Variants in NINL observed in about 807,000 individuals in gnomAD.
The protein encoded by NINL is ninein like, also known as ninein-like protein.
NINL carries 153 observed loss-of-function variants against 160.3 expected under a neutral mutation model. The observed-to-expected ratio is 0.95, with a 90% confidence interval of 0.84 to 1.09. The LOEUF (loss-of-function observed/expected upper bound fraction) is 1.09, where lower values mean the gene tolerates loss of function less well. Ranked by LOEUF, NINL falls within the 50% of genes least tolerant of loss-of-function variation. The probability of loss-of-function intolerance (pLI) is 0.00; values close to 1 mark genes in which losing one functional copy is unlikely to be tolerated. For synonymous variants in NINL, 800 were observed against 734.8 expected (o/e 1.09, Z -1.43); for missense variants, 1,829 against 1,764.0 (o/e 1.04, Z -0.66).
rs1230840228 is a variant in NINL at position 25,462,317 on chromosome 20, T to G, written c.3582+66A>C. 2.6e-6 allele frequency: 4 copies of G among 1,516,330 alleles called. No homozygotes were observed. In the African/African-American group the frequency reaches 5.6e-5, roughly 21 times the overall value. 93.9% of individuals were successfully genotyped at this position (1,516,330 alleles called of 1,614,324 possible). ...TCCTCAGCGCGTGTCCTGACCTATT[T>G]GCAGCCGCCTCCCCACCCTGAGCTC... On this transcript the variant is annotated intron_variant, in intron 20 of 23. Coordinates refer to ENST00000278886, the MANE Select transcript of NINL (RefSeq NM_025176.6).
At chr20:25,507,740 G>A (rs1390758833) in intron 5 of NINL, among the ~76,000 whole-genome samples, 4 of 152,228 alleles carry the variant, frequency 2.6e-5, no homozygotes, top group Non-Finnish European at 5.9e-5. Flanking sequence ...TGTGGGTTGG[G>A]TTGAGGAAAA....
intron 2 of NINL, among the ~76,000 whole-genome samples, chr20:25,519,785 G>T (rs897842132): frequency 2.6e-5 from 4 of 152,032 alleles, no homozygotes; most frequent in African/African-American, 9.7e-5. Flanking sequence ...GGGAGGCAGA[G>T]GCAGGGTGAT....
chr20:25,459,409 C>T (rs1037613834), intron 21 of NINL, among the ~76,000 whole-genome samples: 11 of 152,198 alleles, frequency 7.2e-5, no homozygotes, highest in African/African-American at 2.7e-4. Context: ...GGACGGGGGT[C>T]ACCCCAGAGA....
intron 10 of NINL, among the ~76,000 whole-genome samples, chr20:25,491,911 A>T (rs977505963): frequency 1.3e-5 from 2 of 152,238 alleles, no homozygotes; most frequent in Non-Finnish European, 2.9e-5. Context: ...CCTCCCAAGG[A>T]GGGAGGCAGC....
At position 25,495,457 on chromosome 20, in the gene NINL, T is replaced by C. The variant is rs191948155; in HGVS notation, c.1310+1206A>G. 3.0e-3 allele frequency among the ~76,000 whole-genome samples: 456 copies of C among 152,206 alleles called. 3 individuals carry two copies. The highest frequency in any genetic ancestry group is 0.01 in the African/African-American group (423 of 41,532). On this transcript the variant is annotated intron_variant, in intron 10 of 23. Transcript: ENST00000278886. ...CATGGCAGCGAGTGCTGTGTCTGTG[T>C]TGTGCAATGCAGAGGGTGGGCCGAC...
chr20:25,557,774 C>CTAG (rs1231129804), intron 1 of NINL, among the ~76,000 whole-genome samples: 1 of 152,044 alleles, frequency 6.6e-6, no homozygotes, highest in African/African-American at 2.4e-5. Context: ...AAAGAATTAT[C>CTAG]TAGATGTATA....
At chr20:25,561,846 C>T (rs1372841879) in intron 1 of NINL, among the ~76,000 whole-genome samples, 1 of 152,032 alleles carries the variant, frequency 6.6e-6, no homozygotes, top group Non-Finnish European at 1.5e-5. Flanking sequence ...GCTGCCACCC[C>T]GTCTGGGAAG....
chr20:25,517,613 C>T, intron 3 of NINL, 140 bp downstream of exon 3: 4 of 634,520 alleles, frequency 6.3e-6, no homozygotes, highest in Non-Finnish European at 1.1e-5. Context: ...AGTGTTTTTT[C>T]CAAGTCCATA....
At position 25,452,703 on chromosome 20, in the gene NINL, T is replaced by G. The variant is rs1290054576; in HGVS notation, c.*748A>C. 6.6e-6 allele frequency: 1 copy of G among 152,656 alleles called. No individual in the cohort carries two copies. Among genetic ancestry groups the G allele is most frequent in the East Asian group, 1.9e-4 (1 of 5,200 alleles). The allele number at this position is 152,656 out of a possible 1,614,324, so 9.5% of individuals were successfully genotyped here. ...TTAAAAACAAACTTAGAAGTCAATTTTAATAGAAAAGAATTTATTGCAAAT... is the reference window on the plus strand; with the variant it reads ...TTAAAAACAAACTTAGAAGTCAATTGTAATAGAAAAGAATTTATTGCAAAT... On this transcript the variant is annotated 3_prime_UTR_variant, in exon 24 of 24. Transcript: ENST00000278886.
intron 8 of NINL, 75 bp from the exon 9 acceptor site, chr20:25,498,421 G>T: frequency 6.4e-7 from 1 of 1,572,726 alleles, no homozygotes; most frequent in Non-Finnish European, 8.6e-7. Context: ...CTCCCTCCCT[G>T]ATCCAGGGCC....
rs80022616 is a variant in NINL at position 25,501,295 on chromosome 20, C to T, written c.862-285G>A. Among the ~76,000 whole-genome samples the T allele has an allele frequency of 2.0e-5, 3 of 152,388 alleles. No homozygotes were observed. The East Asian group carries it at 5.8e-4, about 29-fold the overall frequency. ...CGTGGCCCAACCGGCCAGCCCCAGTCAGCACACTCATCACTTGGAGAGGGA... is the reference window on the plus strand; with the variant it reads ...CGTGGCCCAACCGGCCAGCCCCAGTTAGCACACTCATCACTTGGAGAGGGA... On this transcript the variant is annotated intron_variant, in intron 7 of 23. Transcript: ENST00000278886.
At position 25,491,367 on chromosome 20, in the gene NINL, A is replaced by G; in HGVS notation, c.1469T>C (p.Leu490Pro). Residue 490 changes from leucine (L) to proline (P), a missense_variant, in exon 11 of 24, where the codon CTG becomes CCG. Coordinates refer to ENST00000278886, the MANE Select transcript of NINL (RefSeq NM_025176.6). ...QAEEAGLREKLTLALKENSRL... is the reference protein window; with the variant it reads ...QAEEAGLREKPTLALKENSRL... The stretch of plus-strand genomic sequence containing the variant: ...TGCCCCTACCTTCAGGGCCAGGGTC[A>G]GCTTCTCGCGGAGGCCAGCCTCCTC... 6.2e-7 allele frequency: 1 copy of G among 1,609,350 alleles called. No individual in the cohort carries two copies. Among genetic ancestry groups the G allele is most frequent in the Non-Finnish European group, 8.5e-7 (1 of 1,179,390 alleles).
intron 2 of NINL, among the ~76,000 whole-genome samples, chr20:25,521,468 CTTGT>C (rs1217581518): frequency 6.6e-6 from 1 of 152,158 alleles, no homozygotes; most frequent in Non-Finnish European, 1.5e-5. Flanking sequence ...GCTCATCTGT[CTTGT>C]TTGTTTGCCC....
chr20:25,550,050 CTCTT>C (rs1253332998), intron 1 of NINL, among the ~76,000 whole-genome samples: 3 of 152,226 alleles, frequency 2.0e-5, no homozygotes, highest in South Asian at 2.1e-4. Context: ...GAATTTGTCT[CTCTT>C]TCCAAACACT....
intron 7 of NINL, among the ~76,000 whole-genome samples, 164 bp from the exon 8 acceptor site, chr20:25,501,174 A>G (rs543166528): frequency 6.6e-6 from 1 of 152,340 alleles, no homozygotes; most frequent in Non-Finnish European, 1.5e-5. Flanking sequence ...CAGCCCCATC[A>G]CATGACCTCT....
In NINL at chr20:25,472,366, T is replaced by C. The variant is rs1204533341; in HGVS notation, c.3249-2271A>G. 2.7e-4 allele frequency among the ~76,000 whole-genome samples: 34 copies of C among 125,856 alleles called. 1 individual carries two copies. Among genetic ancestry groups the C allele is most frequent in the African/African-American group, 6.0e-4 (20 of 33,426 alleles). 82.6% of individuals were successfully genotyped at this position (125,856 alleles called of 152,430 possible). A position where few individuals can be genotyped will look rare whatever the true frequency, so the allele number is the denominator to read the frequency against. ...ATATATATATATATATATATATATATACTTTTTTTTTGTTTTTGAGACGGA... is the reference window on the plus strand; with the variant it reads ...ATATATATATATATATATATATATACACTTTTTTTTTGTTTTTGAGACGGA... On this transcript the variant is annotated intron_variant, in intron 17 of 23. Transcript: ENST00000278886.
intron 1 of NINL, among the ~76,000 whole-genome samples, chr20:25,547,022 C>G (rs1240435171): frequency 6.6e-6 from 1 of 152,160 alleles, no homozygotes; most frequent in African/African-American, 2.4e-5. Flanking sequence ...CAGGGCCACC[C>G]TTATGGCCTC....
chr20:25,552,938 T>C lies in NINL; in HGVS notation c.-11-26340A>G, dbSNP rs563692434. Among the ~76,000 whole-genome samples, 8 of 152,262 alleles carry C rather than the reference T, an allele frequency of 5.3e-5. No homozygotes were observed. In the East Asian group the frequency reaches 1.2e-3, roughly 22 times the overall value. On this transcript the variant is annotated intron_variant, in intron 1 of 23. Transcript: ENST00000278886. Reference sequence around the variant, plus strand: ...GGCTAGAATCAAAGAAAGGCTGAGCTGAGACACCCAGGGAAAGTGCTGGTG... The same window carrying C: ...GGCTAGAATCAAAGAAAGGCTGAGCCGAGACACCCAGGGAAAGTGCTGGTG...
Position 25,476,656 on chromosome 20 carries a change from G to A in NINL, c.2635C>T (p.Arg879Cys), listed in dbSNP as rs942963392. 9 of 1,586,212 alleles carry A rather than the reference G, an allele frequency of 5.7e-6. No homozygotes were observed. Among genetic ancestry groups the A allele is most frequent in the Admixed American group, 3.4e-5 (2 of 58,084 alleles). The part of the protein sequence containing the change: ...SEEAAGAGPR[R>C]RQAQDTEATQ... Reference sequence around the variant, plus strand: ...GCTTCTGTGTCCTGGGCTTGCCTGCGGCGAGGCCCGGCTCCTGCCGCCTCC... The same window carrying A: ...GCTTCTGTGTCCTGGGCTTGCCTGCAGCGAGGCCCGGCTCCTGCCGCCTCC... The change falls in exon 17 of 24, where the codon CGC becomes TGC. Residue 879 changes from arginine to cysteine, a missense_variant. Physicochemically the swap from Arg to Cys is radical, Grantham distance 180 (BLOSUM62 -3). Transcript: ENST00000278886.
Sources: allele counts gnomAD v4.1 joint callset (sites outside exome capture counted in the v4.1 genomes callset), GRCh38; gene constraint gnomAD v4.1.1; transcripts MANE v1.5; gene names NCBI Gene and HGNC (gene_info 2026-07-23, HGNC 2026-07-21).